The following ONECUT1 variants were observed in gnomAD, a reference collection of about 807,000 sequenced individuals.
ONECUT1 encodes the protein one cut homeobox 1, also known as hepatocyte nuclear factor 6.
In ONECUT1, 12 loss-of-function variants were observed where a neutral mutation model predicts 25.6. The ratio of observed to expected loss-of-function variants is 0.47; its 90% CI spans 0.30 to 0.76. ONECUT1 has a LOEUF of 0.76. ONECUT1 is among the 30% of genes least tolerant of loss of function. The pLI is 0.07. For missense variants in ONECUT1, 620 were observed against 651.2 expected (o/e 0.95, Z 0.52); for synonymous variants, 285 against 270.2 (o/e 1.05, Z -0.54).
chr15:52,763,363 G>A (rs1403773136), intron 1 of ONECUT1, among the ~76,000 whole-genome samples: 2 of 152,012 alleles, frequency 1.3e-5, no homozygotes, highest in South Asian at 2.1e-4. Context: ...TGTGTGCCAC[G>A]GGAATAAAAG....
Position 52,789,290 on chromosome 15 carries a change from G to A in ONECUT1, c.595C>T (p.His199Tyr). ...SIHNSQQGLP[H>Y]YAHPGAAMPT... Reference sequence around the variant, plus strand: ...ATGGCGGCCCCCGGGTGGGCATAGTGGGGGAGCCCTTGCTGGGAGTTGTGG... The same window carrying A: ...ATGGCGGCCCCCGGGTGGGCATAGTAGGGGAGCCCTTGCTGGGAGTTGTGG... Residue 199 changes from histidine (H) to tyrosine (Y), a missense_variant, in exon 1 of 2, where the codon CAC (histidine) becomes TAC (tyrosine). By Grantham distance (83) the His-to-Tyr change is moderately conservative. Coordinates refer to ENST00000305901, the MANE Select transcript of ONECUT1 (RefSeq NM_004498.4). This position sits in a 1 kb window ranked among gnomAD's most constrained non-coding sequence, Gnocchi z 4.1. 2 of 1,557,188 alleles carry A rather than the reference G, an allele frequency of 1.3e-6. No individual in the cohort carries two copies. Among genetic ancestry groups the A allele is most frequent in the Non-Finnish European group, 1.7e-6 (2 of 1,150,198 alleles).
In ONECUT1 at chr15:52,789,867, G is replaced by C; in HGVS notation, c.18C>G (p.Thr6=). 1.9e-6 allele frequency: 3 copies of C among 1,542,720 alleles called. No homozygotes were observed. The highest frequency in any genetic ancestry group is 2.6e-6 in the Non-Finnish European group (3 of 1,154,922). The change falls in exon 1 of 2, where the codon ACC becomes ACG. Residue 6 remains threonine, a synonymous_variant. Coordinates refer to ENST00000305901, the MANE Select transcript of ONECUT1 (RefSeq NM_004498.4). This position sits in a 1 kb window ranked among gnomAD's most constrained non-coding sequence, Gnocchi z 4.1. MNAQL[T]MEAIGELHGV... ...CGTGCAGCTCGCCGATCGCTTCCAT[G>C]GTCAGCTGCGCGTTCATCGTGATCC...
At chr15:52,781,701 A>C (rs879934017) in intron 1 of ONECUT1, among the ~76,000 whole-genome samples, 5 of 152,228 alleles carry the variant, frequency 3.3e-5, no homozygotes, top group Non-Finnish European at 7.3e-5. Context: ...GCACATCAAA[A>C]TCACCTGGGA....
chr15:52,789,998 C>T lies in ONECUT1; in HGVS notation c.-114G>A. ...GCTGCTGGCGACTGTTGCCTTCCTT[C>T]CTCTCACTGTGGGGCTCTGTCTCTC... On this transcript the variant is annotated 5_prime_UTR_variant, in exon 1 of 2. Transcript: ENST00000305901. This position sits in a 1 kb window ranked among gnomAD's most constrained non-coding sequence, Gnocchi z 4.1. 1.4e-6 allele frequency: 2 copies of T among 1,392,156 alleles called. No homozygotes were observed. The highest frequency in any genetic ancestry group is 3.3e-5 in the South Asian group (2 of 60,406). The allele number at this position is 1,392,156 out of a possible 1,614,324, so 86.2% of individuals were successfully genotyped here. A position where few individuals can be genotyped will look rare whatever the true frequency, so the allele number is the denominator to read the frequency against.
chr15:52,789,584 T>C lies in ONECUT1; in HGVS notation c.301A>G (p.Thr101Ala). Reference protein sequence around the residue: ...CETPPGMSMPTTYTTLTPLQP... With the variant: ...CETPPGMSMPATYTTLTPLQP... ...AGAGGGGTCAAGGTGGTGTAGGTGG[T>C]GGGCATGCTCATACCTGGGGGAGTC... The change falls in exon 1 of 2, where the codon ACC becomes GCC. Residue 101 changes from threonine to alanine, a missense_variant. Physicochemically the swap from Thr to Ala is moderately conservative, Grantham distance 58. This residue lies in a region of ONECUT1 where 440 missense variants were observed against 404.9 expected (regional missense o/e 1.09). Transcript: ENST00000305901. This position sits in a 1 kb window ranked among gnomAD's most constrained non-coding sequence, Gnocchi z 4.1. The C allele has an allele frequency of 1.9e-6, 3 of 1,579,534 alleles. No homozygotes were observed. The highest frequency in any genetic ancestry group is 2.6e-6 in the Non-Finnish European group (3 of 1,160,718).
intron 1 of ONECUT1, among the ~76,000 whole-genome samples, chr15:52,775,272 G>T (rs2083792625): frequency 6.6e-6 from 1 of 151,828 alleles, no homozygotes; most frequent in South Asian, 2.1e-4. Flanking sequence ...TACGCAGAGG[G>T]GTGGTCACCC....
In ONECUT1 at chr15:52,788,829, C is replaced by A; in HGVS notation, c.1056G>T (p.Lys352Asn). 6.2e-7 allele frequency: 1 copy of A among 1,613,982 alleles called. No homozygotes were observed. The highest frequency in any genetic ancestry group is 1.1e-5 in the South Asian group (1 of 91,086). Residue 352 changes from lysine to asparagine, a missense_variant, in exon 1 of 2, where the codon AAG becomes AAT. Around this residue, in one of 4 missense-constraint regions of ONECUT1, gnomAD observed 146 missense variants for 201.8 expected, o/e 0.72. Transcript: ENST00000305901. This position sits in a 1 kb window ranked among gnomAD's most constrained non-coding sequence, Gnocchi z 4.3. ...SGRETFRRMW[K>N]WLQEPEFQRM... is the part of the protein sequence containing the mutation. ...GCTGGAACTCCGGCTCCTGCAGCCA[C>A]TTCCACATCCTCCGGAAGGTCTCCC...
At chr15:52,774,969 C>T (rs2083790400) in intron 1 of ONECUT1, among the ~76,000 whole-genome samples, 2 of 152,176 alleles carry the variant, frequency 1.3e-5, no homozygotes, top group South Asian at 4.1e-4. Context: ...GTGGGCAGAT[C>T]ACCTGAGGTC....
rs533559456 is a variant in ONECUT1 at position 52,755,883 on chromosome 15, T to C, written c.*1672A>G. Reference sequence around the variant, plus strand: ...CTGGGGTACCACTAATACGACTTCATTTTTTTTTTGACTTTGACTTCTACA... The same window carrying C: ...CTGGGGTACCACTAATACGACTTCACTTTTTTTTTGACTTTGACTTCTACA... On this transcript the variant is annotated 3_prime_UTR_variant, in exon 2 of 2. Transcript: ENST00000305901. 1.1e-4 allele frequency among the ~76,000 whole-genome samples: 13 copies of C among 122,498 alleles called. No homozygotes were observed. The East Asian group carries it at 3.1e-3, about 29-fold the overall frequency. 80.4% of individuals were successfully genotyped at this position (122,498 alleles called of 152,430 possible). A position where few individuals can be genotyped will look rare whatever the true frequency, so the allele number is the denominator to read the frequency against.
chr15:52,786,773 C>T (rs1251127609), intron 1 of ONECUT1, among the ~76,000 whole-genome samples: 2 of 150,958 alleles, frequency 1.3e-5, no homozygotes, highest in Admixed American at 1.3e-4. Flanking sequence ...GTCTGTCCTT[C>T]CAGGGGGCGA....
chr15:52,777,914 T>A (rs2083814745), intron 1 of ONECUT1, among the ~76,000 whole-genome samples: 1 of 152,206 alleles, frequency 6.6e-6, no homozygotes, highest in Non-Finnish European at 1.5e-5. Context: ...CTTTTACTTA[T>A]TTTATCCTCC....
At chr15:52,757,889 G>C (rs1161524142) in intron 1 of ONECUT1, 42 bp from the exon 2 acceptor site, 1 of 1,573,988 alleles carries the variant, frequency 6.4e-7, no homozygotes, top group Non-Finnish European at 8.6e-7. Context: ...ATGGTCTAGG[G>C]GAGAATCATG....
chr15:52,766,501 C>T (rs866215390), intron 1 of ONECUT1, among the ~76,000 whole-genome samples: 2 of 152,200 alleles, frequency 1.3e-5, no homozygotes, highest in African/African-American at 2.4e-5. Flanking sequence ...AGTTGTCAGC[C>T]AGATCCGTCT....
intron 1 of ONECUT1, among the ~76,000 whole-genome samples, chr15:52,765,767 T>A (rs111677008): frequency 6.6e-6 from 1 of 152,150 alleles, no homozygotes. Flanking sequence ...TTGCCTTGAG[T>A]GATCTTACTG....
chr15:52,779,616 C>T (rs1485335548), intron 1 of ONECUT1, among the ~76,000 whole-genome samples: 1 of 152,176 alleles, frequency 6.6e-6, no homozygotes, highest in Non-Finnish European at 1.5e-5. Context: ...TCCCCATACC[C>T]ACCAGGCAAA....
intron 1 of ONECUT1, among the ~76,000 whole-genome samples, chr15:52,775,594 G>A (rs2456503): frequency 4.3e-4 from 66 of 152,146 alleles, no homozygotes; most frequent in African/African-American, 1.6e-3. Flanking sequence ...ATATGATTGG[G>A]AGGAAAACTT....
rs1188162667 is a variant in ONECUT1 at position 52,757,655 on chromosome 15, A to G, written c.1298T>C (p.Phe433Ser). The G allele has an allele frequency of 6.2e-7, 1 of 1,613,984 alleles. No individual in the cohort carries two copies. The highest frequency in any genetic ancestry group is 8.5e-7 in the Non-Finnish European group (1 of 1,180,020). ...GLELSTVSNFFMNARRRSLDK... is the reference protein window; with the variant it reads ...GLELSTVSNFSMNARRRSLDK... ...CAGACTCCTCCTTCTTGCGTTCATGAAGAAGTTGCTGACAGTGCTCAGCTC... is the reference window on the plus strand; with the variant it reads ...CAGACTCCTCCTTCTTGCGTTCATGGAGAAGTTGCTGACAGTGCTCAGCTC... The change falls in exon 2 of 2, where the codon TTC becomes TCC. Residue 433 changes from phenylalanine to serine, a missense_variant. Physicochemically the swap from Phe to Ser is radical, Grantham distance 155. Coordinates refer to ENST00000305901, the MANE Select transcript of ONECUT1 (RefSeq NM_004498.4).
intron 1 of ONECUT1, among the ~76,000 whole-genome samples, chr15:52,781,740 G>A (rs140081194): frequency 6.6e-6 from 1 of 152,220 alleles, no homozygotes; most frequent in Non-Finnish European, 1.5e-5. Context: ...CCCATGTCAC[G>A]TCCTGTACCA....
chr15:52,788,550 C>G lies in ONECUT1; in HGVS notation c.1105+230G>C. 2.0e-6 allele frequency: 1 copy of G among 505,608 alleles called. No individual in the cohort carries two copies. Among genetic ancestry groups the G allele is most frequent in the Non-Finnish European group, 3.5e-6 (1 of 286,848 alleles). The allele number at this position is 505,608 out of a possible 1,614,324, so 31.3% of individuals were successfully genotyped here. A position where few individuals can be genotyped will look rare whatever the true frequency, so the allele number is the denominator to read the frequency against. ...ATGAGCCTCTTCAGTCGCCGAGGCC[C>G]GGCCGCTTAGCTCTCGGAGCCTTCC... On this transcript the variant is annotated intron_variant, in intron 1 of 1. Transcript: ENST00000305901. This position sits in a 1 kb window ranked among gnomAD's most constrained non-coding sequence, Gnocchi z 4.3.
Sources: gnomAD v4.1 joint callset for allele counts (sites outside exome capture counted in the v4.1 genomes callset) on GRCh38, gnomAD v4.1.1 for gene constraint, gnomAD v4.1.1 regional missense constraint, Gnocchi (gnomAD v3.1) non-coding constraint, MANE v1.5 for transcripts, NCBI Gene and HGNC (gene_info 2026-07-23, HGNC 2026-07-21) for gene names.